The following XKR4 variants were observed in gnomAD, a reference collection of about 807,000 sequenced individuals.
XKR4 encodes XK-related protein 4.
Under a neutral mutation model 53.9 loss-of-function variants are expected in XKR4, and 12 were observed. The observed-to-expected ratio is 0.22, with a 90% CI of 0.14 to 0.36. The LOEUF (loss-of-function observed/expected upper bound fraction) is 0.36, where lower values mean the gene tolerates loss of function less well. Ranked by LOEUF, XKR4 falls within the 10% of genes least tolerant of loss-of-function variation. The pLI is 1.00. For missense variants in XKR4, 799 were observed against 859.5 expected (o/e 0.93, Z 0.88); for synonymous variants, 354 against 362.4 (o/e 0.98, Z 0.26).
chr8:55,317,257 A>G (rs1004199196), intron 1 of XKR4, among the ~76,000 whole-genome samples: 8 of 152,228 alleles, frequency 5.3e-5, no homozygotes, highest in Non-Finnish European at 7.3e-5. Context: ...CAAAATAATT[A>G]CTTATATCTA....
chr8:55,424,688 G>A (rs929537613), intron 2 of XKR4, among the ~76,000 whole-genome samples: 6 of 152,242 alleles, frequency 3.9e-5, no homozygotes, highest in Admixed American at 6.5e-5. Context: ...ATTCACTTTG[G>A]GGAAGCTTTG....
rs897375098 is a variant in XKR4 at position 55,530,771 on chromosome 8, A to C, written c.*6544A>C. On this transcript the variant is annotated 3_prime_UTR_variant, in exon 3 of 3. Coordinates refer to ENST00000327381, the MANE Select transcript of XKR4 (RefSeq NM_052898.2). ...GGAAATAGCATGTAAAATAAATCTA[A>C]GTATTGCTTTATCACTTTATTTTAT... The C allele has an allele frequency of 3.9e-5, 6 of 152,232 alleles. No individual in the cohort carries two copies. The highest frequency in any genetic ancestry group is 1.5e-5 in the Non-Finnish European group (1 of 68,042). The allele number at this position is 152,232 out of a possible 1,614,324, so 9.4% of individuals were successfully genotyped here. A position where few individuals can be genotyped will look rare whatever the true frequency, so the allele number is the denominator to read the frequency against.
chr8:55,173,986 C>A (rs1817197857), intron 1 of XKR4, among the ~76,000 whole-genome samples: 1 of 152,074 alleles, frequency 6.6e-6, no homozygotes, highest in African/African-American at 2.4e-5. Context: ...GCATTTGAAG[C>A]ATCATTATAC....
intron 1 of XKR4, among the ~76,000 whole-genome samples, chr8:55,339,353 AGG>A (rs2129381900): frequency 6.6e-6 from 1 of 152,326 alleles, no homozygotes; most frequent in Non-Finnish European, 1.5e-5. Context: ...CACTTTCATA[AGG>A]CTTCCGAGAA....
intron 1 of XKR4, among the ~76,000 whole-genome samples, chr8:55,134,112 CAT>C (rs1404697333): frequency 2.6e-5 from 4 of 152,150 alleles, no homozygotes; most frequent in African/African-American, 9.7e-5. Flanking sequence ...AGAAAATAAT[CAT>C]GTCCTCACAA....
intron 1 of XKR4, among the ~76,000 whole-genome samples, chr8:55,233,019 G>T (rs1019878990): frequency 1.3e-5 from 2 of 152,342 alleles, no homozygotes; most frequent in African/African-American, 4.8e-5. Context: ...ATGAAGGATG[G>T]TGTATCTGCG....
At chr8:55,324,677 T>C (rs1379443399) in intron 1 of XKR4, among the ~76,000 whole-genome samples, 1 of 152,220 alleles carries the variant, frequency 6.6e-6, no homozygotes, top group Non-Finnish European at 1.5e-5. Context: ...CATTTGATTT[T>C]GTGTTAGAAT....
intron 2 of XKR4, among the ~76,000 whole-genome samples, chr8:55,518,136 T>C (rs1216478590): frequency 6.6e-6 from 1 of 152,228 alleles, no homozygotes; most frequent in Non-Finnish European, 1.5e-5. Context: ...TCTAGAGAAT[T>C]AGGCTGTACA....
chr8:55,437,924 G>C (rs1805199263), intron 2 of XKR4, among the ~76,000 whole-genome samples: 1 of 150,802 alleles, frequency 6.6e-6, no homozygotes, highest in Admixed American at 6.6e-5. Context: ...AAGGGAGTTA[G>C]GGCCTGTGCA....
In XKR4 at chr8:55,438,384, G is replaced by A. The variant is rs373929187; in HGVS notation, c.1006+80507G>A. ...GGGCAGATCACAAGGTCAGGAGTTC[G>A]AAACCAGCCTGGCCAACATGGTGAA... On this transcript the variant is annotated intron_variant, in intron 2 of 2. Transcript: ENST00000327381. 7.7e-4 allele frequency among the ~76,000 whole-genome samples: 117 copies of A among 151,960 alleles called. 3 individuals carry two copies. In the South Asian group the frequency reaches 0.019, roughly 25 times the overall value.
At chr8:55,339,956 C>A (rs572606395) in intron 1 of XKR4, among the ~76,000 whole-genome samples, 2 of 152,142 alleles carry the variant, frequency 1.3e-5, no homozygotes, top group Non-Finnish European at 2.9e-5. Flanking sequence ...AAAATCAAGT[C>A]TTATTGTCCA....
chr8:55,152,581 C>T lies in XKR4; in HGVS notation c.806+49287C>T, dbSNP rs536730995. Among the ~76,000 whole-genome samples, 18 of 152,198 alleles carry T rather than the reference C, an allele frequency of 1.2e-4. No homozygotes were observed. In the South Asian group the frequency reaches 3.7e-3, roughly 32 times the overall value. On this transcript the variant is annotated intron_variant, in intron 1 of 2. Coordinates refer to ENST00000327381, the MANE Select transcript of XKR4 (RefSeq NM_052898.2). Reference sequence around the variant, plus strand: ...TTGATTACTTTTTAATTGATTCTTTCCAACTTTCATGTAATTTAAATTATA... The same window carrying T: ...TTGATTACTTTTTAATTGATTCTTTTCAACTTTCATGTAATTTAAATTATA...
intron 1 of XKR4, among the ~76,000 whole-genome samples, chr8:55,217,767 T>C (rs1183350123): frequency 6.7e-6 from 1 of 150,308 alleles, no homozygotes; most frequent in East Asian, 1.9e-4. Flanking sequence ...GATAGATAGA[T>C]AGATAGATAG....
intron 2 of XKR4, among the ~76,000 whole-genome samples, chr8:55,461,974 T>A (rs1805664894): frequency 6.6e-6 from 1 of 152,084 alleles, no homozygotes; most frequent in Non-Finnish European, 1.5e-5. Context: ...TGGGACTATG[T>A]CAAAAGACCT....
intron 1 of XKR4, among the ~76,000 whole-genome samples, chr8:55,324,910 C>A (rs1432404081): frequency 1.3e-5 from 2 of 152,178 alleles, no homozygotes; most frequent in African/African-American, 4.8e-5. Flanking sequence ...AACTTTGCCT[C>A]CTATACAAAT....
intron 1 of XKR4, among the ~76,000 whole-genome samples, chr8:55,157,032 G>C (rs1298699804): frequency 6.6e-6 from 1 of 152,192 alleles, no homozygotes. Context: ...TGTGTTTGAA[G>C]TTTCATGCTG....
At chr8:55,201,951 C>A (rs1354452963) in intron 1 of XKR4, among the ~76,000 whole-genome samples, 2 of 152,166 alleles carry the variant, frequency 1.3e-5, no homozygotes. Flanking sequence ...AAAGGAGTGT[C>A]TTTCTTCGGT....
chr8:55,475,163 A>G (rs560469315), intron 2 of XKR4, among the ~76,000 whole-genome samples: 84 of 152,220 alleles, frequency 5.5e-4, no homozygotes, highest in African/African-American at 2.0e-3. Flanking sequence ...TAAAATGGAG[A>G]GTAAAGTGGT....
At chr8:55,521,965 G>A (rs964491341) in intron 2 of XKR4, among the ~76,000 whole-genome samples, 4 of 152,206 alleles carry the variant, frequency 2.6e-5, no homozygotes, top group Admixed American at 1.3e-4. Context: ...TGAAGAAAAA[G>A]CCAGCCAGAC....
Sources: gnomAD v4.1 joint callset for allele counts (sites outside exome capture counted in the v4.1 genomes callset) on GRCh38, gnomAD v4.1.1 for gene constraint, MANE v1.5 for transcripts, NCBI Gene and HGNC (gene_info 2026-07-23, HGNC 2026-07-21) for gene names.